Variants in MOXD1 observed in about 807,000 individuals in gnomAD.
MOXD1 encodes DBH-like monooxygenase protein 1.
Under a neutral mutation model 66.6 loss-of-function variants are expected in MOXD1, and 62 were observed. The observed-to-expected ratio is 0.93, with a 90% CI of 0.76 to 1.15. The LOEUF is 1.15. Ranked by LOEUF, MOXD1 falls within the 50% of genes most tolerant of loss-of-function variation. The probability of loss-of-function intolerance (pLI) is 0.00; values close to 1 mark genes in which losing one functional copy is unlikely to be tolerated. For missense variants in MOXD1, 847 were observed against 754.6 expected, an observed-to-expected ratio of 1.12 and a Z score of -1.44; for synonymous variants, 303 against 281.9, an observed-to-expected ratio of 1.07 and a Z score of -0.75.
chr6:132,318,698 T>C (rs962478922), intron 9 of MOXD1, among the ~76,000 whole-genome samples: 43 of 152,064 alleles, frequency 2.8e-4, no homozygotes, highest in African/African-American at 8.9e-4. Flanking sequence ...TAATTTACAG[T>C]TTGTGCTTTT....
At chr6:132,389,574 G>C (rs1326760135) in intron 1 of MOXD1, among the ~76,000 whole-genome samples, 1 of 151,532 alleles carries the variant, frequency 6.6e-6, no homozygotes, top group East Asian at 1.9e-4. Context: ...TGACTGGTGG[G>C]GGATGGGGTT....
chr6:132,372,651 A>C lies in MOXD1; in HGVS notation c.620T>G (p.Met207Arg). The change falls in exon 4 of 12, where the codon ATG (methionine) becomes AGG (arginine). Residue 207 changes from methionine to arginine, a missense_variant. Physicochemically the swap from Met to Arg is moderately conservative, Grantham distance 91. Coordinates refer to ENST00000367963, the MANE Select transcript of MOXD1 (RefSeq NM_015529.4). Reference sequence around the variant, plus strand: ...TTCTTGGAACACAGGAATCTTAAACATTTGGCACCAATATGTTGTATCTTT... The same window carrying C: ...TTCTTGGAACACAGGAATCTTAAACCTTTGGCACCAATATGTTGTATCTTT... ...PNKDTTYWCQMFKIPVFQEKH... is the reference protein window; with the variant it reads ...PNKDTTYWCQRFKIPVFQEKH... 6.2e-7 allele frequency: 1 copy of C among 1,613,964 alleles called. No homozygotes were observed. The highest frequency in any genetic ancestry group is 1.1e-5 in the South Asian group (1 of 91,076).
chr6:132,335,219 T>C (rs1404276536), intron 4 of MOXD1, among the ~76,000 whole-genome samples: 2 of 152,082 alleles, frequency 1.3e-5, no homozygotes, highest in East Asian at 3.9e-4. Context: ...AAAATCCGTA[T>C]GGTTTTGGAG....
rs530454147 is a variant in MOXD1, at chr6:132,373,084, A to G, written c.412-87T>C. On this transcript the variant is annotated intron_variant, in intron 2 of 11. Coordinates refer to ENST00000367963, the MANE Select transcript of MOXD1 (RefSeq NM_015529.4). ...AGTTTAAAGAACTCTATTGTAAACA[A>G]GATATAGAAGTGAAGAAAAGACAAT... 4.0e-6 allele frequency: 5 copies of G among 1,252,190 alleles called. No homozygotes were observed. The African/African-American group carries it at 7.4e-5, about 19-fold the overall frequency. 77.6% of individuals were successfully genotyped at this position (1,252,190 alleles called of 1,614,324 possible).
At chr6:132,340,858 G>A (rs527788763) in intron 4 of MOXD1, among the ~76,000 whole-genome samples, 16 of 152,064 alleles carry the variant, frequency 1.1e-4, no homozygotes, top group African/African-American at 3.6e-4. Context: ...GTGTTAGCCA[G>A]AATGGTCTCG....
At chr6:132,364,908 T>C (rs1776089234) in intron 4 of MOXD1, among the ~76,000 whole-genome samples, 1 of 152,164 alleles carries the variant, frequency 6.6e-6, no homozygotes, top group Non-Finnish European at 1.5e-5. Flanking sequence ...GGAGCCAAGA[T>C]TCAAACCAGT....
intron 4 of MOXD1, among the ~76,000 whole-genome samples, chr6:132,371,786 C>A (rs1389545791): frequency 6.6e-6 from 1 of 152,164 alleles, no homozygotes; most frequent in Non-Finnish European, 1.5e-5. Flanking sequence ...TTATCCACAT[C>A]GCTTCATTAC....
rs558929711 is a variant in MOXD1 at position 132,345,330 on chromosome 6, T to C, written c.664-16736A>G. Among the ~76,000 whole-genome samples, 5 of 152,304 alleles carry C rather than the reference T, an allele frequency of 3.3e-5. No homozygotes were observed. The South Asian group carries it at 1.0e-3, about 32-fold the overall frequency. On this transcript the variant is annotated intron_variant, in intron 4 of 11. Transcript: ENST00000367963. ...TACATTTATGAGGAATAATGGTCTG[T>C]AGGTTCTTTTTTGTGATGATTTTGT...
At chr6:132,387,267 T>C (rs1166696003) in intron 1 of MOXD1, among the ~76,000 whole-genome samples, 1 of 151,426 alleles carries the variant, frequency 6.6e-6, no homozygotes, top group African/African-American at 2.4e-5. Context: ...AGCTAATACG[T>C]AGAGCTTTTT....
At chr6:132,337,183 T>C (rs950767664) in intron 4 of MOXD1, among the ~76,000 whole-genome samples, 2 of 152,252 alleles carry the variant, frequency 1.3e-5, no homozygotes, top group Non-Finnish European at 2.9e-5. Context: ...AATGAATCGA[T>C]ACATTCCTTT....
intron 4 of MOXD1, among the ~76,000 whole-genome samples, chr6:132,345,066 G>T (rs1775643976): frequency 6.6e-6 from 1 of 152,198 alleles, no homozygotes; most frequent in Non-Finnish European, 1.5e-5. Flanking sequence ...CCAGAGTGGG[G>T]CAATGGGAAC....
chr6:132,392,576 G>A (rs1301303399), intron 1 of MOXD1, among the ~76,000 whole-genome samples: 2 of 152,150 alleles, frequency 1.3e-5, no homozygotes, highest in Admixed American at 6.5e-5. Flanking sequence ...AATGAGAGCT[G>A]AACTGATTCA....
chr6:132,392,779 C>T (rs1776794055), intron 1 of MOXD1, among the ~76,000 whole-genome samples: 1 of 152,214 alleles, frequency 6.6e-6, no homozygotes, highest in African/African-American at 2.4e-5. Flanking sequence ...ACTTTACAAC[C>T]ACATTTCTCT....
chr6:132,298,024 A>G (rs1475321369), intron 10 of MOXD1, 69 bp from the exon 11 acceptor site: 1 of 1,348,092 alleles, frequency 7.4e-7, no homozygotes, highest in Non-Finnish European at 1.0e-6. Flanking sequence ...ACTTTTCAGC[A>G]TCCTAAAATA....
At chr6:132,297,382 G>A (rs570430683) in intron 11 of MOXD1, 65 bp from the exon 12 acceptor site, 31 of 1,518,184 alleles carry the variant, frequency 2.0e-5, no homozygotes, top group Admixed American at 5.3e-5. Context: ...TGACCAGGCC[G>A]CTCAGCTGCC....
At chr6:132,365,734 T>C (rs1486541931) in intron 4 of MOXD1, among the ~76,000 whole-genome samples, 1 of 152,194 alleles carries the variant, frequency 6.6e-6, no homozygotes, top group Non-Finnish European at 1.5e-5. Flanking sequence ...ATGAAGTAGA[T>C]GTAACTCAAG....
rs527444310 is a variant in MOXD1 at position 132,363,151 on chromosome 6, A to G, written c.663+9457T>C. On this transcript the variant is annotated intron_variant, in intron 4 of 11. Coordinates refer to ENST00000367963, the MANE Select transcript of MOXD1 (RefSeq NM_015529.4). ...TAGGACTCAAAAGTAGTCCAGCAGA[A>G]TATAGTATTTTGCACTTCCAAATTT... Among the ~76,000 whole-genome samples, 4 of 151,896 alleles carry G rather than the reference A, an allele frequency of 2.6e-5. No individual in the cohort carries two copies. In the East Asian group the frequency reaches 7.7e-4, roughly 29 times the overall value.
intron 1 of MOXD1, among the ~76,000 whole-genome samples, chr6:132,388,082 T>C (rs568777407): frequency 7.3e-5 from 11 of 151,542 alleles, no homozygotes; most frequent in South Asian, 2.1e-4. Context: ...CCCACCTATA[T>C]ATTTAGTGGA....
At chr6:132,391,449 C>G (rs61065216) in intron 1 of MOXD1, 1 of 151,258 alleles carries the variant, frequency 6.6e-6, no homozygotes, top group Non-Finnish European at 1.5e-5. Flanking sequence ...CTTTTTTTTT[C>G]TACTGAAATT....
Sources: gnomAD v4.1 joint callset for allele counts (sites outside exome capture counted in the v4.1 genomes callset) on GRCh38, gnomAD v4.1.1 for gene constraint, MANE v1.5 for transcripts, NCBI Gene and HGNC (gene_info 2026-07-23, HGNC 2026-07-21) for gene names.